The following DIS3L2 variants were observed in gnomAD, a reference collection of about 807,000 sequenced individuals.
DIS3L2 encodes DIS3 like 3'-5' exoribonuclease 2.
A neutral mutation model predicts 97.5 loss-of-function variants in DIS3L2; 34 were observed. The ratio of observed to expected loss-of-function variants is 0.35; its 90% confidence interval spans 0.27 to 0.46. DIS3L2 has a LOEUF of 0.46. Among genes scored for constraint, DIS3L2 ranks in the 20% least tolerant of loss-of-function variants. The pLI is 1.00. For synonymous variants in DIS3L2, 435 were observed against 445.2 expected (o/e 0.98, Z 0.29); for missense variants, 1,038 against 1,146.0 (o/e 0.91, Z 1.36).
chr2:232,091,824 T>C (rs1475549933), intron 6 of DIS3L2, among the ~76,000 whole-genome samples: 1 of 152,214 alleles, frequency 6.6e-6, no homozygotes, highest in African/African-American at 2.4e-5. Flanking sequence ...ATTGCCTATC[T>C]TTTAAATAAA....
chr2:232,066,128 C>G (rs1695850069), intron 5 of DIS3L2, among the ~76,000 whole-genome samples: 1 of 151,808 alleles, frequency 6.6e-6, no homozygotes, highest in Non-Finnish European at 1.5e-5. Context: ...CTGTTCTAAT[C>G]TATATGCCTT....
chr2:232,316,752 A>T (rs1287822615), intron 14 of DIS3L2, among the ~76,000 whole-genome samples: 1 of 152,188 alleles, frequency 6.6e-6, no homozygotes, highest in Non-Finnish European at 1.5e-5. Flanking sequence ...GGTAAGCAAG[A>T]TATTGTGCTT....
intron 13 of DIS3L2, among the ~76,000 whole-genome samples, chr2:232,272,128 C>A (rs1296459641): frequency 6.6e-6 from 1 of 152,170 alleles, no homozygotes; most frequent in Non-Finnish European, 1.5e-5. Context: ...TCCTTGTAGG[C>A]AAGTCACCTA....
intron 8 of DIS3L2, among the ~76,000 whole-genome samples, chr2:232,138,380 T>C (rs911291301): frequency 1.3e-5 from 2 of 152,178 alleles, no homozygotes; most frequent in Non-Finnish European, 2.9e-5. Context: ...CATATTTAGA[T>C]GGAAACATCA....
intron 14 of DIS3L2, among the ~76,000 whole-genome samples, chr2:232,320,171 GA>G (rs1451932258): frequency 6.9e-6 from 1 of 145,234 alleles, no homozygotes; most frequent in African/African-American, 2.5e-5. Flanking sequence ...GGGAAGCCCA[GA>G]ATGTTCTGGG....
At chr2:232,033,971 T>C (rs756959790) in intron 5 of DIS3L2, among the ~76,000 whole-genome samples, 11 of 152,224 alleles carry the variant, frequency 7.2e-5, no homozygotes, top group Admixed American at 1.3e-4. Flanking sequence ...ATCAGGATGA[T>C]GCTGGCCTCA....
At position 232,269,754 on chromosome 2, in the gene DIS3L2, C is replaced by CAG. The variant is rs10685309; in HGVS notation, c.1659+6325_1659+6326dup. 2.4e-4 allele frequency among the ~76,000 whole-genome samples: 36 copies of CAG among 150,428 alleles called. No individual in the cohort carries two copies. The highest frequency in any genetic ancestry group is 2.7e-4 in the Non-Finnish European group (18 of 67,594). ...GTTCCAGGGTGTGTGGTGTAGGGTG[C>CAG]AGAGAGAGAGAGGAGCTAGAGGAGA... On this transcript the variant is annotated intron_variant, in intron 13 of 20. Coordinates refer to ENST00000325385, the MANE Select transcript of DIS3L2 (RefSeq NM_152383.5). This position sits in a 1 kb window ranked among gnomAD's most constrained non-coding sequence, Gnocchi z 4.5.
At chr2:232,200,955 A>T (rs1303242478) in intron 9 of DIS3L2, among the ~76,000 whole-genome samples, 1 of 151,988 alleles carries the variant, frequency 6.6e-6, no homozygotes, top group Non-Finnish European at 1.5e-5. Flanking sequence ...GGCTATTTTT[A>T]GAAGAGACGG....
At chr2:232,024,799 G>A (rs1694614329) in intron 4 of DIS3L2, among the ~76,000 whole-genome samples, 2 of 152,056 alleles carry the variant, frequency 1.3e-5, no homozygotes, top group Non-Finnish European at 1.5e-5. Context: ...TTTCGTGCAG[G>A]TGATAAAACT....
At chr2:232,139,314 T>C (rs981396436) in intron 8 of DIS3L2, among the ~76,000 whole-genome samples, 1 of 152,214 alleles carries the variant, frequency 6.6e-6, no homozygotes, top group African/African-American at 2.4e-5. Context: ...GTTATTCTGC[T>C]TCTCTCTGCA....
At chr2:232,299,996 A>G in intron 13 of DIS3L2, 44 bp from the exon 14 acceptor site, 1 of 1,572,624 alleles carries the variant, frequency 6.4e-7, no homozygotes. Flanking sequence ...GAATGAATAG[A>G]GCATGCTGCC....
At chr2:232,103,128 G>A (rs781164679) in intron 6 of DIS3L2, among the ~76,000 whole-genome samples, 2 of 152,068 alleles carry the variant, frequency 1.3e-5, no homozygotes, top group Non-Finnish European at 2.9e-5. Flanking sequence ...AAAGTGAAAC[G>A]TTCATTTGCT....
At chr2:231,988,623 C>T (rs1001552280) in intron 1 of DIS3L2, among the ~76,000 whole-genome samples, 1 of 152,164 alleles carries the variant, frequency 6.6e-6, no homozygotes, top group African/African-American at 2.4e-5. Flanking sequence ...TTCTCCAAGA[C>T]ATGACGTGGA....
chr2:232,146,777 A>G (rs969897522), intron 8 of DIS3L2, among the ~76,000 whole-genome samples: 1 of 152,180 alleles, frequency 6.6e-6, no homozygotes, highest in African/African-American at 2.4e-5. Context: ...GACAGAAGTG[A>G]ATGTTGGGTA....
At chr2:231,970,582 G>T (rs1390735758) in intron 1 of DIS3L2, among the ~76,000 whole-genome samples, 3 of 152,144 alleles carry the variant, frequency 2.0e-5, no homozygotes, top group Non-Finnish European at 4.4e-5. Flanking sequence ...ATAAAAAAAT[G>T]GTACACCTGT....
intron 9 of DIS3L2, among the ~76,000 whole-genome samples, chr2:232,185,544 G>A (rs1165032704): frequency 1.3e-5 from 2 of 152,124 alleles, no homozygotes; most frequent in Admixed American, 1.3e-4. Context: ...TTTAGATAAA[G>A]AAGAGCAAGG....
At chr2:232,009,142 C>G (rs1388367521) in intron 1 of DIS3L2, among the ~76,000 whole-genome samples, 3 of 152,060 alleles carry the variant, frequency 2.0e-5, no homozygotes, top group Non-Finnish European at 2.9e-5. Context: ...GTGTTTTCTT[C>G]TAGTTCTTTG....
intron 5 of DIS3L2, among the ~76,000 whole-genome samples, chr2:232,050,345 C>T (rs867957667): frequency 1.3e-5 from 2 of 152,134 alleles, no homozygotes; most frequent in African/African-American, 4.8e-5. Flanking sequence ...GATTTTGGCT[C>T]ACTGCAACCT....
chr2:232,245,737 T>C (rs1184386749), intron 11 of DIS3L2, among the ~76,000 whole-genome samples: 1 of 152,206 alleles, frequency 6.6e-6, no homozygotes, highest in Non-Finnish European at 1.5e-5. Context: ...GCAGTGTGAT[T>C]AATAAAATGT....
Sources: gnomAD v4.1 joint callset for allele counts (sites outside exome capture counted in the v4.1 genomes callset) on GRCh38, gnomAD v4.1.1 for gene constraint, Gnocchi (gnomAD v3.1) non-coding constraint, MANE v1.5 for transcripts, NCBI Gene and HGNC (gene_info 2026-07-23, HGNC 2026-07-21) for gene names.